KCNJ1: variants seen among roughly 807,000 people sequenced by gnomAD.
KCNJ1 encodes the protein ATP-sensitive inward rectifier potassium channel 1.
KCNJ1 carries 24 observed loss-of-function variants against 21.9 expected under a neutral mutation model. That is an observed-to-expected ratio of 1.10 (90% CI 0.79 to 1.54). The LOEUF is 1.54. Ranked by LOEUF, KCNJ1 falls within the 40% of genes most tolerant of loss-of-function variation. The pLI, the probability that KCNJ1 is intolerant of heterozygous loss-of-function variation, is 0.00. For synonymous variants in KCNJ1, 152 were observed against 160.9 expected, an observed-to-expected ratio of 0.94 and a Z score of 0.42; for missense variants, 457 against 455.4, an observed-to-expected ratio of 1.00 and a Z score of -0.03.
intron 1 of KCNJ1, among the ~76,000 whole-genome samples, chr11:128,857,490 G>T (rs1214270084): frequency 1.3e-5 from 2 of 152,230 alleles, no homozygotes; most frequent in African/African-American, 2.4e-5. Context: ...TCTTGACCAA[G>T]GTCAGTGCCC....
intron 1 of KCNJ1, among the ~76,000 whole-genome samples, chr11:128,862,943 C>T (rs1463232183): frequency 6.6e-6 from 1 of 152,228 alleles, no homozygotes; most frequent in African/African-American, 2.4e-5. Flanking sequence ...ACACACTTCA[C>T]AGAGTCTTCT....
chr11:128,861,591 C>T (rs1410118913), intron 1 of KCNJ1, among the ~76,000 whole-genome samples: 1 of 152,094 alleles, frequency 6.6e-6, no homozygotes, highest in Non-Finnish European at 1.5e-5. Context: ...AGAAACATAC[C>T]CCTGCTCCTG....
At position 128,861,758 on chromosome 11, in the gene KCNJ1, G is replaced by A. The variant is rs189332744; in HGVS notation, c.-192+5415C>T. 2.6e-4 allele frequency among the ~76,000 whole-genome samples: 40 copies of A among 152,184 alleles called. No individual in the cohort carries two copies. In the East Asian group the frequency reaches 6.4e-3, roughly 24 times the overall value. On this transcript the variant is annotated intron_variant, in intron 1 of 2. Coordinates refer to ENST00000392666, the MANE Select transcript of KCNJ1 (RefSeq NM_153766.3). ...TCCCAGAAAGATAGATGCAGGCTCC[G>A]TGTCTGTAGAAGTTTGTGTCCATTT...
In KCNJ1 at chr11:128,842,365, C is replaced by T. The variant is rs776264407; in HGVS notation, c.-21-2101G>A. ...GCCTGGCTTTCCAGAGAGGTGATTT[C>T]CCCAGCCTCCACTTACCAACGTGTC... On this transcript the variant is annotated intron_variant, in intron 2 of 2. Transcript: ENST00000392666. The T allele has an allele frequency of 1.8e-5, 29 of 1,613,616 alleles. No homozygotes were observed. Among genetic ancestry groups the T allele is most frequent in the Non-Finnish European group, 2.2e-5 (26 of 1,179,592 alleles).
chr11:128,841,335 A>C (rs1191165758), intron 2 of KCNJ1, among the ~76,000 whole-genome samples: 1 of 152,264 alleles, frequency 6.6e-6, no homozygotes, highest in Non-Finnish European at 1.5e-5. Flanking sequence ...TTTATTCAGT[A>C]AACGTAAATG....
At chr11:128,865,241 T>A (rs1299432665) in intron 1 of KCNJ1, among the ~76,000 whole-genome samples, 1 of 152,202 alleles carries the variant, frequency 6.6e-6, no homozygotes, top group African/African-American at 2.4e-5. Flanking sequence ...TGTACTTTTC[T>A]GTGCAGGCAG....
rs1943221953 is a variant in KCNJ1 at position 128,839,185 on chromosome 11, G to A, written c.1059C>T (p.Gly353=). ...EKDVRARMKR[G]YDNPNFILSE... ...ACAAGATGAAGTTGGGGTTGTCATA[G>A]CCTCTCTTCATCCTGGCTCTAACAT... Residue 353 remains glycine, a synonymous_variant, in exon 3 of 3, where the codon GGC becomes GGT. Coordinates refer to ENST00000392666, the MANE Select transcript of KCNJ1 (RefSeq NM_153766.3). 1.2e-6 allele frequency: 2 copies of A among 1,614,134 alleles called. No homozygotes were observed. The highest frequency in any genetic ancestry group is 1.7e-6 in the Non-Finnish European group (2 of 1,180,004).
chr11:128,845,820 G>A (rs915845019), intron 2 of KCNJ1, among the ~76,000 whole-genome samples: 2 of 152,142 alleles, frequency 1.3e-5, no homozygotes, highest in African/African-American at 4.8e-5. Flanking sequence ...TTTGTAGGGT[G>A]AGCATACTCC....
At chr11:128,850,918 T>G in intron 1 of KCNJ1, 28 bp from the exon 2 acceptor site, 1 of 981,124 alleles carries the variant, frequency 1.0e-6, no homozygotes, top group Non-Finnish European at 1.2e-6. Context: ...ATATGGCTAC[T>G]GTCTGGAGAC....
chr11:128,856,879 G>A (rs150153846), intron 1 of KCNJ1, among the ~76,000 whole-genome samples: 116 of 152,108 alleles, frequency 7.6e-4, no homozygotes, highest in Non-Finnish European at 1.4e-3. Context: ...CCTGCTCCTT[G>A]ATCTGTCCAC....
chr11:128,856,076 CCGGG>C (rs1052653275), intron 1 of KCNJ1, among the ~76,000 whole-genome samples: 1 of 151,652 alleles, frequency 6.6e-6, no homozygotes, highest in African/African-American at 2.4e-5. Context: ...ACCAGAACTT[CCGGG>C]CGGGAAAAGA....
At chr11:128,866,281 C>A (rs1943814361) in intron 1 of KCNJ1, among the ~76,000 whole-genome samples, 1 of 152,148 alleles carries the variant, frequency 6.6e-6, no homozygotes, top group Non-Finnish European at 1.5e-5. Flanking sequence ...GTGCAGCTCG[C>A]AACTAATAAT....
At chr11:128,866,144 A>T (rs991705618) in intron 1 of KCNJ1, among the ~76,000 whole-genome samples, 10 of 152,210 alleles carry the variant, frequency 6.6e-5, no homozygotes, top group Non-Finnish European at 1.3e-4. Context: ...AAGACAACAC[A>T]AGCCAAGCCC....
rs1481607901 is a variant in KCNJ1, at chr11:128,848,309, AAG to A, written c.-22+2410_-22+2411del. ...TCTCAAAAAAAAAAAAAAAAAAAAA[AAG>A]TACCTGAGACCACGGGTGTGCACCA... On this transcript the variant is annotated intron_variant, in intron 2 of 2. Coordinates refer to ENST00000392666, the MANE Select transcript of KCNJ1 (RefSeq NM_153766.3). Among the ~76,000 whole-genome samples the A allele has an allele frequency of 1.1e-3, 159 of 149,302 alleles. 3 individuals carry two copies. Among genetic ancestry groups the A allele is most frequent in the South Asian group, 1.7e-3 (8 of 4,608 alleles).
intron 1 of KCNJ1, among the ~76,000 whole-genome samples, chr11:128,857,923 T>C (rs1943617781): frequency 6.6e-6 from 1 of 152,218 alleles, no homozygotes; most frequent in East Asian, 1.9e-4. Context: ...TTTCTGGGTA[T>C]TTATTTACAT....
At chr11:128,845,455 A>G (rs1160179045) in intron 2 of KCNJ1, among the ~76,000 whole-genome samples, 2 of 152,218 alleles carry the variant, frequency 1.3e-5, no homozygotes, top group Non-Finnish European at 2.9e-5. Context: ...CCTGTTTTCT[A>G]TGAAAATCAT....
intron 2 of KCNJ1, among the ~76,000 whole-genome samples, chr11:128,847,959 C>T (rs1591410987): frequency 1.3e-5 from 2 of 152,174 alleles, no homozygotes; most frequent in East Asian, 1.9e-4. Context: ...TCCTCGACCT[C>T]CTGGGCTCAA....
rs371244963 is a variant in KCNJ1, at chr11:128,839,132, T to G, written c.1112A>C (p.Lys371Thr). The G allele has an allele frequency of 1.4e-5, 22 of 1,613,496 alleles. No homozygotes were observed. Among genetic ancestry groups the G allele is most frequent in the Non-Finnish European group, 1.8e-5 (21 of 1,179,934 alleles). ...LSEVNETDDT[K>T]M is the part of the protein sequence containing the mutation. ...CCCGTTGAAAAGCCACTGTTACATT[T>G]TGGTGTCATCTGTTTCATTGACTTC... The change falls in exon 3 of 3, where the codon AAA becomes ACA. Residue 371 changes from lysine (K) to threonine (T), a missense_variant. Transcript: ENST00000392666.
intron 1 of KCNJ1, 23 bp from the exon 2 acceptor site, chr11:128,850,913 G>T (rs1057019242): frequency 4.1e-6 from 4 of 982,162 alleles, no homozygotes; most frequent in Admixed American, 6.1e-5. Flanking sequence ...AACACATATG[G>T]CTACTGTCTG....
Sources: gnomAD v4.1 joint callset for allele counts (sites outside exome capture counted in the v4.1 genomes callset) on GRCh38, gnomAD v4.1.1 for gene constraint, MANE v1.5 for transcripts, NCBI Gene and HGNC (gene_info 2026-07-23, HGNC 2026-07-21) for gene names.